The following MDGA2 variants were observed in gnomAD, a reference collection of about 807,000 sequenced individuals.
MDGA2 encodes MAM domain containing glycosylphosphatidylinositol anchor 2, also known as MAM domain-containing glycosylphosphatidylinositol anchor protein 2.
In MDGA2, 40 loss-of-function variants were observed where a neutral mutation model predicts 117.8. The observed-to-expected ratio is 0.34, with a 90% confidence interval of 0.26 to 0.44. The LOEUF (loss-of-function observed/expected upper bound fraction) is 0.44, where lower values mean the gene tolerates loss of function less well. MDGA2 is among the 20% of genes least tolerant of loss of function. The probability of loss-of-function intolerance (pLI) is 1.00; values close to 1 mark genes in which losing one functional copy is unlikely to be tolerated. For synonymous variants in MDGA2, 452 were observed against 439.0 expected (o/e 1.03, Z -0.37); for missense variants, 1,123 against 1,250.6 (o/e 0.90, Z 1.54).
chr14:47,652,282 G>C (rs149700887), intron 1 of MDGA2, among the ~76,000 whole-genome samples: 17 of 152,192 alleles, frequency 1.1e-4, no homozygotes, highest in Non-Finnish European at 2.1e-4. Context: ...AATAAAGAAG[G>C]TTATTTACAC....
At chr14:47,485,002 T>C (rs1894029833) in intron 1 of MDGA2, among the ~76,000 whole-genome samples, 1 of 152,012 alleles carries the variant, frequency 6.6e-6, no homozygotes, top group Non-Finnish European at 1.5e-5. Flanking sequence ...ATACAGTAAA[T>C]TGGTGCCAGT....
At chr14:47,203,793 T>C (rs1885591262) in intron 3 of MDGA2, among the ~76,000 whole-genome samples, 1 of 151,992 alleles carries the variant, frequency 6.6e-6, no homozygotes, top group Admixed American at 6.6e-5. Context: ...TTCAAATGTT[T>C]TAAATCACAA....
chr14:47,266,363 T>C (rs1035509333), intron 2 of MDGA2, among the ~76,000 whole-genome samples: 2 of 152,126 alleles, frequency 1.3e-5, no homozygotes, highest in African/African-American at 2.4e-5. Flanking sequence ...ACTTCCAAAA[T>C]AAGTCTCAGA....
chr14:47,213,143 G>A (rs1218044534), intron 3 of MDGA2, among the ~76,000 whole-genome samples: 2 of 152,034 alleles, frequency 1.3e-5, no homozygotes, highest in Non-Finnish European at 2.9e-5. Context: ...AAAAAAAACT[G>A]AAATCTTATA....
chr14:47,145,263 G>A (rs1882894694), intron 3 of MDGA2, among the ~76,000 whole-genome samples: 1 of 152,102 alleles, frequency 6.6e-6, no homozygotes, highest in East Asian at 1.9e-4. Flanking sequence ...AATACCTTGG[G>A]CTTTGTGATT....
chr14:47,243,443 C>A (rs1264151230), intron 2 of MDGA2, among the ~76,000 whole-genome samples: 1 of 151,710 alleles, frequency 6.6e-6, no homozygotes, highest in Admixed American at 6.6e-5. Context: ...TTCTTTCACT[C>A]TTTGCAATAA....
chr14:47,137,386 G>A (rs896348350), intron 4 of MDGA2, among the ~76,000 whole-genome samples: 8 of 152,074 alleles, frequency 5.3e-5, no homozygotes, highest in African/African-American at 1.7e-4. Flanking sequence ...CCTAATGAAA[G>A]GTATCTGGGT....
intron 1 of MDGA2, among the ~76,000 whole-genome samples, chr14:47,532,395 T>G (rs1023910891): frequency 2.6e-5 from 4 of 152,210 alleles, no homozygotes; most frequent in African/African-American, 4.8e-5. Context: ...GCCCTAACAA[T>G]AAATTTTTCT....
intron 1 of MDGA2, chr14:47,305,180 T>C (rs982742450): frequency 6.6e-6 from 1 of 152,212 alleles, no homozygotes; most frequent in Non-Finnish European, 1.5e-5. Context: ...TCAACTATTA[T>C]GGCAGTGCAT....
chr14:47,652,636 G>T, intron 1 of MDGA2, among the ~76,000 whole-genome samples: 1 of 152,016 alleles, frequency 6.6e-6, no homozygotes, highest in Non-Finnish European at 1.5e-5. Context: ...ATAATTATTT[G>T]CTGAGTTAAA....
intron 8 of MDGA2, among the ~76,000 whole-genome samples, chr14:47,006,444 A>G (rs1051428120): frequency 4.7e-5 from 7 of 147,590 alleles, no homozygotes; most frequent in African/African-American, 1.7e-4. Context: ...TGTTTTAATT[A>G]TAATTATAAT....
chr14:47,513,240 T>C (rs890818030), intron 1 of MDGA2, among the ~76,000 whole-genome samples: 1 of 152,190 alleles, frequency 6.6e-6, no homozygotes, highest in Non-Finnish European at 1.5e-5. Flanking sequence ...TCAGTCTAAT[T>C]GCTCAAATGT....
At chr14:47,119,006 G>C (rs1039282562) in intron 5 of MDGA2, among the ~76,000 whole-genome samples, 4 of 151,120 alleles carry the variant, frequency 2.6e-5, no homozygotes, top group Non-Finnish European at 5.9e-5. Flanking sequence ...CCAAAGCAGA[G>C]ACTGGGATTA....
intron 1 of MDGA2, among the ~76,000 whole-genome samples, chr14:47,339,603 T>C (rs1274170565): frequency 2.6e-5 from 4 of 152,158 alleles, no homozygotes; most frequent in Non-Finnish European, 5.9e-5. Flanking sequence ...AACTTGCTCA[T>C]GCTTCCTCTC....
At chr14:47,093,812 G>T (rs6572404) in intron 6 of MDGA2, among the ~76,000 whole-genome samples, 127,783 of 152,058 alleles carry the variant, frequency 0.84, 54,085 homozygotes, top group East Asian at 0.97. Context: ...ACACTCTTAT[G>T]CTGTGCATGG....
intron 1 of MDGA2, among the ~76,000 whole-genome samples, chr14:47,333,718 T>G (rs1043389336): frequency 5.3e-5 from 8 of 149,874 alleles, no homozygotes; most frequent in Middle Eastern, 3.4e-3. Flanking sequence ...TCACACAAAT[T>G]TAATAAGTCA....
At chr14:47,061,140 A>G in intron 7 of MDGA2, 109 bp downstream of exon 7, 2 of 1,017,454 alleles carry the variant, frequency 2.0e-6, no homozygotes, top group Non-Finnish European at 2.9e-6. Flanking sequence ...TTTTGTTTTT[A>G]GGAAACTTAA....
intron 5 of MDGA2, among the ~76,000 whole-genome samples, chr14:47,121,726 C>T (rs758368906): frequency 1.2e-4 from 18 of 152,146 alleles, no homozygotes; most frequent in Non-Finnish European, 1.6e-4. Flanking sequence ...TCTGGGGAAA[C>T]TGGTACTGTA....
intron 1 of MDGA2, among the ~76,000 whole-genome samples, chr14:47,605,879 A>T (rs1373786894): frequency 1.3e-5 from 2 of 151,192 alleles, no homozygotes; most frequent in African/African-American, 2.4e-5. Context: ...CTCCCTTCCC[A>T]CTCTTTAGTG....
Sources: gnomAD v4.1 joint callset for allele counts (sites outside exome capture counted in the v4.1 genomes callset) on GRCh38, gnomAD v4.1.1 for gene constraint, MANE v1.5 for transcripts, NCBI Gene and HGNC (gene_info 2026-07-23, HGNC 2026-07-21) for gene names.